AGBL1: variants seen among roughly 807,000 people sequenced by gnomAD.
The protein encoded by AGBL1 is cytosolic carboxypeptidase 4.
In AGBL1, 130 loss-of-function variants were observed where a neutral mutation model predicts 118.9. That is an observed-to-expected ratio of 1.09 (90% CI 0.95 to 1.26). The LOEUF (loss-of-function observed/expected upper bound fraction) is 1.26. Ranked by LOEUF, AGBL1 falls within the 50% of genes most tolerant of loss-of-function variation. The probability of loss-of-function intolerance (pLI) is 0.00; values close to 1 mark genes in which losing one functional copy is unlikely to be tolerated. For synonymous variants in AGBL1, 555 were observed against 478.9 expected (o/e 1.16, Z -2.08); for missense variants, 1,584 against 1,298.1 (o/e 1.22, Z -3.38).
intron 1 of AGBL1, among the ~76,000 whole-genome samples, chr15:86,114,160 C>G (rs1411043966): frequency 6.6e-6 from 1 of 152,204 alleles, no homozygotes; most frequent in African/African-American, 2.4e-5. Flanking sequence ...GTTGAACAAT[C>G]CAATTAAGGG....
At chr15:86,991,608 G>A (rs1052514838) in intron 24 of AGBL1, among the ~76,000 whole-genome samples, 1 of 152,090 alleles carries the variant, frequency 6.6e-6, no homozygotes, top group South Asian at 2.1e-4. Flanking sequence ...CTTGACTGAG[G>A]GACCATGGAG....
intron 17 of AGBL1, chr15:86,296,164 C>G (rs990846458): frequency 6.8e-6 from 1 of 146,470 alleles, no homozygotes; most frequent in South Asian, 2.1e-4. Context: ...TGACCTGTTA[C>G]GAACTAGCTT....
intron 17 of AGBL1, among the ~76,000 whole-genome samples, chr15:86,378,573 G>A (rs909993823): frequency 2.6e-5 from 4 of 152,188 alleles, no homozygotes; most frequent in African/African-American, 4.8e-5. Flanking sequence ...GAGCTATGCT[G>A]ATTTCACAGG....
chr15:86,331,223 C>CAAAAAA (rs71144041), intron 17 of AGBL1, among the ~76,000 whole-genome samples: 3 of 97,118 alleles, frequency 3.1e-5, no homozygotes, highest in African/African-American at 4.0e-5. Context: ...GACTCCATCT[C>CAAAAAA]AAAAAAAAAA....
In AGBL1 at chr15:87,014,036, T is replaced by C. The variant is rs79844525; in HGVS notation, c.3324-14789T>C. Among the ~76,000 whole-genome samples the C allele has an allele frequency of 5.3e-4, 81 of 152,344 alleles. 1 individual carries two copies. Among genetic ancestry groups the C allele is most frequent in the African/African-American group, 1.9e-3 (81 of 41,586 alleles). The stretch of plus-strand genomic sequence containing the variant: ...GAATTATCAAAAAATACCTTTAATG[T>C]ACCTAAACTATAATCAATAATAATA... On this transcript the variant is annotated intron_variant, in intron 24 of 24. Coordinates refer to the AGBL1 transcript ENST00000441037.
intron 18 of AGBL1, among the ~76,000 whole-genome samples, chr15:86,422,511 G>A (rs1384578902): frequency 2.0e-5 from 3 of 152,034 alleles, no homozygotes; most frequent in Admixed American, 6.6e-5. Flanking sequence ...ATCTAAAATC[G>A]ACAAGCTAAC....
intron 22 of AGBL1, among the ~76,000 whole-genome samples, chr15:86,890,118 G>T (rs1195207410): frequency 8.5e-5 from 13 of 152,076 alleles, no homozygotes; most frequent in Admixed American, 8.5e-4. Context: ...ATCACACTGT[G>T]GTTTTGATTT....
intron 1 of AGBL1, among the ~76,000 whole-genome samples, chr15:86,092,503 A>G (rs1896100474): frequency 6.6e-6 from 1 of 152,300 alleles, no homozygotes; most frequent in African/African-American, 2.4e-5. Flanking sequence ...CTAAAAATCA[A>G]TGTTCTAATG....
chr15:86,779,714 T>C (rs944138565), intron 22 of AGBL1, among the ~76,000 whole-genome samples: 1 of 152,206 alleles, frequency 6.6e-6, no homozygotes, highest in African/African-American at 2.4e-5. Flanking sequence ...TGATTTTTTG[T>C]AATGGGGAAA....
chr15:86,131,886 C>T (rs1167426079), intron 1 of AGBL1, among the ~76,000 whole-genome samples: 6 of 150,640 alleles, frequency 4.0e-5, no homozygotes, highest in Non-Finnish European at 2.9e-5. Flanking sequence ...GGCTGCAGTC[C>T]AGTTGAGGCT....
chr15:86,456,308 A>G (rs993002658), intron 18 of AGBL1, among the ~76,000 whole-genome samples: 4 of 152,234 alleles, frequency 2.6e-5, no homozygotes, highest in Admixed American at 2.0e-4. Context: ...CCAGAAAGCT[A>G]TCTTACATAT....
At chr15:86,816,021 T>C (rs1488037983) in intron 22 of AGBL1, among the ~76,000 whole-genome samples, 3 of 152,086 alleles carry the variant, frequency 2.0e-5, no homozygotes, top group Non-Finnish European at 4.4e-5. Flanking sequence ...GGTGAGTAAT[T>C]TGTGTTTTCA....
At chr15:86,904,951 T>C (rs1854814250) in intron 22 of AGBL1, among the ~76,000 whole-genome samples, 2 of 152,122 alleles carry the variant, frequency 1.3e-5, no homozygotes. Flanking sequence ...GCATGGGCCT[T>C]ATTGACAATA....
At chr15:87,015,251 G>T (rs140021596) in intron 24 of AGBL1, among the ~76,000 whole-genome samples, 361 of 152,138 alleles carry the variant, frequency 2.4e-3, no homozygotes, top group African/African-American at 8.4e-3. Context: ...CTTATTCTAA[G>T]CCCTGCTACT....
At chr15:86,318,090 A>G (rs944304617) in intron 17 of AGBL1, among the ~76,000 whole-genome samples, 1 of 152,224 alleles carries the variant, frequency 6.6e-6, no homozygotes, top group Non-Finnish European at 1.5e-5. Context: ...GCAGTGCATG[A>G]ATGTCTGTCA....
intron 14 of AGBL1, among the ~76,000 whole-genome samples, chr15:86,271,302 T>C (rs1202299961): frequency 6.6e-6 from 1 of 152,036 alleles, no homozygotes; most frequent in Non-Finnish European, 1.5e-5. Flanking sequence ...GACCTTGTGA[T>C]CTGCTGGCCT....
intron 17 of AGBL1, among the ~76,000 whole-genome samples, chr15:86,298,189 G>T (rs1488430501): frequency 7.0e-6 from 1 of 143,852 alleles, no homozygotes; most frequent in Non-Finnish European, 1.5e-5. Context: ...ACGTGCTGGG[G>T]CACAGTTTCA....
At chr15:86,479,641 T>A (rs1006415749) in intron 18 of AGBL1, among the ~76,000 whole-genome samples, 2 of 152,216 alleles carry the variant, frequency 1.3e-5, no homozygotes, top group Admixed American at 1.3e-4. Context: ...CAGGTGGCAC[T>A]GTAAACTAGT....
chr15:86,272,484 AAAGT>A (rs953732408), intron 15 of AGBL1, among the ~76,000 whole-genome samples: 2 of 152,218 alleles, frequency 1.3e-5, no homozygotes, highest in Admixed American at 6.5e-5. Context: ...TTTCTTAAAT[AAAGT>A]AAGTTTCATC....
Sources: gnomAD v4.1 joint callset for allele counts (sites outside exome capture counted in the v4.1 genomes callset) on GRCh38, gnomAD v4.1.1 for gene constraint, MANE v1.5 for transcripts, NCBI Gene and HGNC (gene_info 2026-07-23, HGNC 2026-07-21) for gene names.